The following TIAM2 variants were observed in gnomAD, a reference collection of about 807,000 sequenced individuals.
The protein encoded by TIAM2 is TIAM Rac1 associated GEF 2, also known as rho guanine nucleotide exchange factor TIAM2.
Under a neutral mutation model 152.9 loss-of-function variants are expected in TIAM2, and 80 were observed. The ratio of observed to expected loss-of-function variants is 0.52; its 90% CI spans 0.44 to 0.63. The LOEUF (loss-of-function observed/expected upper bound fraction) is 0.63. Ranked by LOEUF, TIAM2 falls within the 30% of genes least tolerant of loss-of-function variation. The pLI, the probability that TIAM2 is intolerant of heterozygous loss-of-function variation, is 0.00. For missense variants in TIAM2, 1,965 were observed against 2,120.1 expected (o/e 0.93, Z 1.44); for synonymous variants, 804 against 838.0 (o/e 0.96, Z 0.70).
chr6:155,192,758 G>C (rs916179970), intron 14 of TIAM2, among the ~76,000 whole-genome samples: 2 of 152,126 alleles, frequency 1.3e-5, no homozygotes, highest in African/African-American at 4.8e-5. Flanking sequence ...GTCTGTTGCA[G>C]TGTATTGCTT....
chr6:155,185,487 C>T (rs1781021157), intron 14 of TIAM2, among the ~76,000 whole-genome samples: 1 of 143,936 alleles, frequency 6.9e-6, no homozygotes, highest in Non-Finnish European at 1.5e-5. Context: ...TGAGTTAAGC[C>T]ACTTTTATTT....
intron 1 of TIAM2, among the ~76,000 whole-genome samples, chr6:155,002,792 T>A (rs1452205731): frequency 6.6e-6 from 1 of 152,066 alleles, no homozygotes; most frequent in Non-Finnish European, 1.5e-5. Flanking sequence ...GCAGTTCTCC[T>A]GGCTTAGCTT....
chr6:155,094,902 G>A (rs933680187), intron 2 of TIAM2, among the ~76,000 whole-genome samples: 1 of 151,832 alleles, frequency 6.6e-6, no homozygotes, highest in Non-Finnish European at 1.5e-5. Context: ...TATTTAAATA[G>A]CTCTGAAGGT....
intron 2 of TIAM2, among the ~76,000 whole-genome samples, chr6:155,126,578 A>G (rs938401460): frequency 6.6e-6 from 1 of 152,082 alleles, no homozygotes; most frequent in Admixed American, 6.5e-5. Context: ...CTAAAAATAC[A>G]AAATTAGCTG....
chr6:155,251,284 C>T (rs1436166983), intron 22 of TIAM2, among the ~76,000 whole-genome samples: 1 of 152,026 alleles, frequency 6.6e-6, no homozygotes, highest in Non-Finnish European at 1.5e-5. Flanking sequence ...AACCTGCTAT[C>T]TTTTTCTTTT....
chr6:155,114,434 C>T (rs1388715608), intron 2 of TIAM2, among the ~76,000 whole-genome samples: 3 of 151,814 alleles, frequency 2.0e-5, no homozygotes, highest in Non-Finnish European at 4.4e-5. Context: ...GGAAGATGCC[C>T]CTTGGTTATT....
intron 1 of TIAM2, among the ~76,000 whole-genome samples, chr6:155,056,314 G>A (rs1204611937): frequency 6.6e-6 from 1 of 151,218 alleles, no homozygotes; most frequent in Non-Finnish European, 1.5e-5. Context: ...TGGGACTGTC[G>A]GCGCCTACCA....
chr6:155,162,016 G>A (rs1780285776), intron 7 of TIAM2, among the ~76,000 whole-genome samples: 1 of 151,850 alleles, frequency 6.6e-6, no homozygotes, highest in Admixed American at 6.6e-5. Context: ...GGACTGCAAT[G>A]GCGTGATCTC....
chr6:155,142,152 G>A (rs6907183), intron 5 of TIAM2, among the ~76,000 whole-genome samples: 78,221 of 152,004 alleles, frequency 0.51, 20,328 homozygotes, highest in Middle Eastern at 0.57. Context: ...TCACTGACAC[G>A]GGTGCAGCCC....
intron 1 of TIAM2, among the ~76,000 whole-genome samples, chr6:155,012,611 C>T (rs142976799): frequency 0.011 from 1,646 of 152,214 alleles, 23 homozygotes; most frequent in African/African-American, 0.038. Context: ...AGTGCAGTGG[C>T]GTGATCTTGG....
At chr6:155,113,596 C>T (rs1202510081) in intron 2 of TIAM2, among the ~76,000 whole-genome samples, 1 of 152,000 alleles carries the variant, frequency 6.6e-6, no homozygotes, top group Admixed American at 6.6e-5. Flanking sequence ...TTATGGTGGG[C>T]TCCTGTAGTG....
chr6:155,033,905 CG>C (rs1402123039), intron 1 of TIAM2, among the ~76,000 whole-genome samples: 4 of 151,938 alleles, frequency 2.6e-5, no homozygotes, highest in African/African-American at 9.7e-5. Flanking sequence ...TTAGTAGAGA[CG>C]GGGTTTCACT....
At chr6:155,110,982 G>A (rs984433361) in intron 2 of TIAM2, among the ~76,000 whole-genome samples, 7 of 152,064 alleles carry the variant, frequency 4.6e-5, no homozygotes, top group East Asian at 3.9e-4. Flanking sequence ...CTCTATAGTC[G>A]CAGAATTGCT....
chr6:155,096,465 A>G (rs1013110479), intron 2 of TIAM2, among the ~76,000 whole-genome samples: 1 of 152,220 alleles, frequency 6.6e-6, no homozygotes, highest in African/African-American at 2.4e-5. Context: ...ATCAAACAGT[A>G]TATTTGAACC....
intron 1 of TIAM2, among the ~76,000 whole-genome samples, chr6:155,025,515 C>T (rs1340632548): frequency 6.6e-6 from 1 of 151,910 alleles, no homozygotes; most frequent in African/African-American, 2.4e-5. Context: ...GTTGGGGTTT[C>T]ACCATGTTGG....
intron 7 of TIAM2, among the ~76,000 whole-genome samples, chr6:155,149,462 T>C (rs1779896809): frequency 6.6e-6 from 1 of 152,206 alleles, no homozygotes; most frequent in African/African-American, 2.4e-5. Flanking sequence ...CCAGTTTCTT[T>C]AGGAAAAAAA....
chr6:155,027,840 TATATA>T lies in TIAM2; in HGVS notation c.-209+32354_-209+32358del, dbSNP rs1374794971. 1.3e-4 allele frequency among the ~76,000 whole-genome samples: 13 copies of T among 103,028 alleles called. 1 individual carries two copies. Among genetic ancestry groups the T allele is most frequent in the African/African-American group, 2.6e-4 (6 of 23,102 alleles). 67.6% of individuals were successfully genotyped at this position (103,028 alleles called of 152,430 possible). A position where few individuals can be genotyped will look rare whatever the true frequency, so the allele number is the denominator to read the frequency against. ...TATGTACTGTGATACATATATACTA[TATATA>T]ATATATGTACTGTGTTATATACTAT... On this transcript the variant is annotated intron_variant, in intron 1 of 26. Coordinates refer to ENST00000682666, the MANE Select transcript of TIAM2 (RefSeq NM_012454.4).
chr6:155,074,010 A>G (rs1486273850), intron 1 of TIAM2, among the ~76,000 whole-genome samples: 1 of 152,300 alleles, frequency 6.6e-6, no homozygotes, highest in East Asian at 1.9e-4. Context: ...TGGGAACTCA[A>G]CGCTTGAGCC....
chr6:155,253,967 A>G lies in TIAM2; in HGVS notation c.4226-6A>G, dbSNP rs374503045. ...TAGACTCTTGTTTCCATTTCCTTTT[A>G]CATAGGGACAGAAAATAATTCCATA... is the stretch of plus-strand genomic sequence containing the variant. On this transcript the variant is annotated splice_polypyrimidine_tract_variant and splice_region_variant and intron_variant, in intron 24 of 26. Transcript: ENST00000682666. The G allele has an allele frequency of 1.5e-5, 24 of 1,609,986 alleles. No individual in the cohort carries two copies. Among genetic ancestry groups the G allele is most frequent in the Non-Finnish European group, 1.8e-5 (21 of 1,178,300 alleles).
Sources: gnomAD v4.1 joint callset for allele counts (sites outside exome capture counted in the v4.1 genomes callset) on GRCh38, gnomAD v4.1.1 for gene constraint, MANE v1.5 for transcripts, NCBI Gene and HGNC (gene_info 2026-07-23, HGNC 2026-07-21) for gene names.